The following GFRA1 variants were observed in gnomAD, a reference collection of about 807,000 sequenced individuals.
GFRA1 encodes GDNF family receptor alpha-1.
In GFRA1, 16 loss-of-function variants were observed where a neutral mutation model predicts 51.6. The observed-to-expected ratio is 0.31, with a 90% CI of 0.21 to 0.47. The LOEUF (loss-of-function observed/expected upper bound fraction) is 0.47. Among genes scored for constraint, GFRA1 ranks in the 20% least tolerant of loss-of-function variants. GFRA1 has a pLI of 1.00. For missense variants in GFRA1, 530 were observed against 594.3 expected (o/e 0.89, Z 1.13); for synonymous variants, 270 against 241.3 (o/e 1.12, Z -1.10).
chr10:116,219,352 A>C (rs1589883039), intron 4 of GFRA1, among the ~76,000 whole-genome samples: 2 of 152,356 alleles, frequency 1.3e-5, no homozygotes, highest in South Asian at 4.1e-4. Context: ...ATGGCTTCCC[A>C]GCTCACAGTG....
intron 9 of GFRA1, among the ~76,000 whole-genome samples, chr10:116,070,759 CTTTTTTTTTTTT>C (rs773344299): frequency 2.0e-5 from 2 of 97,750 alleles, no homozygotes; most frequent in Non-Finnish European, 3.9e-5. Context: ...AGTCTGGAGC[CTTTTTTTTTTTT>C]TTTTTTTTTT....
intron 5 of GFRA1, among the ~76,000 whole-genome samples, chr10:116,158,320 A>G (rs1417730507): frequency 6.6e-6 from 1 of 152,210 alleles, no homozygotes; most frequent in East Asian, 1.9e-4. Context: ...ATACAACTAT[A>G]AATAGATTGT....
chr10:116,122,372 T>C (rs1589805764), intron 6 of GFRA1, among the ~76,000 whole-genome samples: 1 of 152,160 alleles, frequency 6.6e-6, no homozygotes, highest in Non-Finnish European at 1.5e-5. Flanking sequence ...CTGCTTCCTG[T>C]TGTACATTTC....
chr10:116,245,951 C>T (rs910879761), intron 4 of GFRA1, among the ~76,000 whole-genome samples: 1 of 152,104 alleles, frequency 6.6e-6, no homozygotes, highest in African/African-American at 2.4e-5. Flanking sequence ...AGGGGAAGCC[C>T]AGGAGGTTTT....
chr10:116,098,653 C>G (rs1211704679), intron 6 of GFRA1, among the ~76,000 whole-genome samples: 2 of 152,198 alleles, frequency 1.3e-5, no homozygotes, highest in Non-Finnish European at 2.9e-5. Context: ...GGCCTGTCCC[C>G]CAGAGACAAG....
At chr10:116,182,925 T>A (rs1026871590) in intron 5 of GFRA1, among the ~76,000 whole-genome samples, 3 of 152,154 alleles carry the variant, frequency 2.0e-5, no homozygotes, top group African/African-American at 7.2e-5. Flanking sequence ...CATGCGTCCA[T>A]CCAGCCAAAG....
At chr10:116,248,716 G>C (rs1968071634) in intron 4 of GFRA1, among the ~76,000 whole-genome samples, 1 of 152,200 alleles carries the variant, frequency 6.6e-6, no homozygotes, top group South Asian at 2.1e-4. Context: ...ACTGAGGCTG[G>C]TGGGGGCGGT....
chr10:116,088,479 C>T (rs1768272559), intron 9 of GFRA1, among the ~76,000 whole-genome samples: 2 of 152,150 alleles, frequency 1.3e-5, no homozygotes, highest in South Asian at 4.1e-4. Context: ...GTTCCCAGTG[C>T]TGACTCTGTG....
chr10:116,238,693 T>C (rs1967103224), intron 4 of GFRA1, among the ~76,000 whole-genome samples: 2 of 152,390 alleles, frequency 1.3e-5, no homozygotes, highest in South Asian at 4.1e-4. Context: ...TATTCCAATC[T>C]AATCCATTTA....
chr10:116,179,594 C>T (rs956005098), intron 5 of GFRA1, among the ~76,000 whole-genome samples: 2 of 152,194 alleles, frequency 1.3e-5, no homozygotes, highest in African/African-American at 4.8e-5. Flanking sequence ...ACACAGACAC[C>T]TGAGCTGGAC....
intron 6 of GFRA1, among the ~76,000 whole-genome samples, chr10:116,102,924 A>G (rs1164403415): frequency 3.3e-5 from 5 of 152,110 alleles, no homozygotes; most frequent in African/African-American, 9.7e-5. Context: ...TCTAAACCCA[A>G]CGTGGACATT....
At chr10:116,255,098 C>T (rs536404670) in intron 4 of GFRA1, among the ~76,000 whole-genome samples, 1 of 152,304 alleles carries the variant, frequency 6.6e-6, no homozygotes, top group Admixed American at 6.5e-5. Flanking sequence ...AGTTACCCCC[C>T]TCCACCATGA....
intron 7 of GFRA1, among the ~76,000 whole-genome samples, chr10:116,095,681 T>TC (rs1038949597): frequency 6.6e-6 from 1 of 152,144 alleles, no homozygotes; most frequent in Admixed American, 6.5e-5. Context: ...TTATTGATTT[T>TC]CCCAAAGCCG....
At chr10:116,066,423 T>A (rs1214676807) in intron 9 of GFRA1, among the ~76,000 whole-genome samples, 1 of 152,158 alleles carries the variant, frequency 6.6e-6, no homozygotes, top group East Asian at 1.9e-4. Context: ...GCAAGGGGAC[T>A]GAGCTGTGAA....
At chr10:116,138,610 A>T (rs1376270700) in intron 5 of GFRA1, among the ~76,000 whole-genome samples, 1 of 151,998 alleles carries the variant, frequency 6.6e-6, no homozygotes, top group East Asian at 1.9e-4. Context: ...TCCAAGGTAG[A>T]TTAAAACAAA....
intron 5 of GFRA1, among the ~76,000 whole-genome samples, chr10:116,176,731 T>C (rs533432039): frequency 2.6e-3 from 135 of 51,394 alleles, no homozygotes; most frequent in African/African-American, 5.1e-3. Flanking sequence ...CCTCCCTCCT[T>C]CCTTCCTTCC....
At chr10:116,151,728 C>T (rs1959072543) in intron 5 of GFRA1, among the ~76,000 whole-genome samples, 2 of 152,106 alleles carry the variant, frequency 1.3e-5, no homozygotes, top group South Asian at 4.1e-4. Flanking sequence ...ACCTGGCAGA[C>T]CATTGGCCTT....
intron 6 of GFRA1, among the ~76,000 whole-genome samples, chr10:116,115,990 T>C (rs1226389634): frequency 6.6e-6 from 1 of 152,142 alleles, no homozygotes; most frequent in Non-Finnish European, 1.5e-5. Flanking sequence ...CAGGGACCCA[T>C]AGACCCCCTT....
At chr10:116,136,319 G>T (rs1239639425) in intron 5 of GFRA1, among the ~76,000 whole-genome samples, 3 of 152,192 alleles carry the variant, frequency 2.0e-5, no homozygotes, top group Non-Finnish European at 4.4e-5. Flanking sequence ...TTCATTTTAT[G>T]GGGTACAAAC....
Sources: gnomAD v4.1 joint callset for allele counts (sites outside exome capture counted in the v4.1 genomes callset) on GRCh38, gnomAD v4.1.1 for gene constraint, MANE v1.5 for transcripts, NCBI Gene and HGNC (gene_info 2026-07-23, HGNC 2026-07-21) for gene names.